Variants in MDN1 observed in about 807,000 individuals in gnomAD.
The protein encoded by MDN1 is midasin AAA ATPase 1.
Under a neutral mutation model 669.2 loss-of-function variants are expected in MDN1, and 266 were observed. That is an observed-to-expected ratio of 0.40 (90% CI 0.36 to 0.44). The LOEUF (loss-of-function observed/expected upper bound fraction) is 0.44. Among genes scored for constraint, MDN1 ranks in the 20% least tolerant of loss-of-function variants. The pLI is 1.00. For synonymous variants in MDN1, 2,385 were observed against 2,457.1 expected, an observed-to-expected ratio of 0.97 and a Z score of 0.87; for missense variants, 5,940 against 6,754.0, an observed-to-expected ratio of 0.88 and a Z score of 4.22.
At chr6:89,720,580 G>C (rs1374655155) in intron 40 of MDN1, among the ~76,000 whole-genome samples, 22 of 152,082 alleles carry the variant, frequency 1.4e-4, no homozygotes. Context: ...CCTTGAATTG[G>C]AAGAGTGATG....
At chr6:89,657,219 TAGAG>T (rs544290090) in intron 90 of MDN1, among the ~76,000 whole-genome samples, 155 of 152,294 alleles carry the variant, frequency 1.0e-3, no homozygotes, top group African/African-American at 3.5e-3. Context: ...CATGGGGACA[TAGAG>T]AGGACTTTCT....
intron 31 of MDN1, 78 bp from the exon 32 acceptor site, chr6:89,740,456 A>G (rs76877549): frequency 8.7e-7 from 1 of 1,145,020 alleles, no homozygotes; most frequent in Non-Finnish European, 1.2e-6. Context: ...TCTTTAAAAG[A>G]AAAAAAAAAG....
chr6:89,802,394 T>C (rs2128328996), intron 2 of MDN1, among the ~76,000 whole-genome samples: 1 of 152,282 alleles, frequency 6.6e-6, no homozygotes, highest in South Asian at 2.1e-4. Flanking sequence ...ATATAAGAAA[T>C]GTTCTGTTGG....
intron 1 of MDN1, among the ~76,000 whole-genome samples, chr6:89,813,549 C>CAAA (rs531368427): frequency 2.9e-5 from 2 of 68,266 alleles, no homozygotes; most frequent in African/African-American, 6.0e-5. Context: ...GACTCTGTCT[C>CAAA]AAAAAAAAAA....
At position 89,799,369 on chromosome 6, in the gene MDN1, C is replaced by T. The variant is rs1331395752; in HGVS notation, c.329+3959G>A. ...CAAGAAATTAAGCTAAAATGCAATCCAAATAAACTGCACACTTAGAAATAG... is the reference window on the plus strand; with the variant it reads ...CAAGAAATTAAGCTAAAATGCAATCTAAATAAACTGCACACTTAGAAATAG... On this transcript the variant is annotated intron_variant, in intron 2 of 101. Coordinates refer to ENST00000369393, the MANE Select transcript of MDN1 (RefSeq NM_014611.3). Among the ~76,000 whole-genome samples, 3 of 152,352 alleles carry T rather than the reference C, an allele frequency of 2.0e-5. 1 individual carries two copies. The highest frequency in any genetic ancestry group is 6.8e-3 in the Middle Eastern group (2 of 294).
At chr6:89,656,907 C>G in intron 90 of MDN1, 106 bp from the exon 91 acceptor site, 1 of 955,770 alleles carries the variant, frequency 1.0e-6, no homozygotes, top group East Asian at 2.5e-5. Flanking sequence ...CCTTTATTCT[C>G]AGTCATATAA....
Position 89,710,865 on chromosome 6 carries a change from A to C in MDN1, c.7652-71T>G, listed in dbSNP as rs535637983. 3.0e-4 allele frequency: 258 copies of C among 865,966 alleles called. 2 individuals carry two copies. Among genetic ancestry groups the C allele is most frequent in the South Asian group, 1.0e-3 (57 of 57,224 alleles). 53.6% of individuals were successfully genotyped at this position (865,966 alleles called of 1,614,324 possible). ...TCCAATTGAACGTTCTGCAGTGATGAAAATGTTCTACAGCTGCATAGAATA... is the reference window on the plus strand; with the variant it reads ...TCCAATTGAACGTTCTGCAGTGATGCAAATGTTCTACAGCTGCATAGAATA... On this transcript the variant is annotated intron_variant, in intron 49 of 101. Coordinates refer to ENST00000369393, the MANE Select transcript of MDN1 (RefSeq NM_014611.3).
intron 13 of MDN1, among the ~76,000 whole-genome samples, chr6:89,773,298 T>C (rs1443373648): frequency 2.0e-5 from 3 of 151,708 alleles, no homozygotes; most frequent in Admixed American, 2.0e-4. Flanking sequence ...CCCCAGCATT[T>C]TGGGAGGCCG....
intron 73 of MDN1, among the ~76,000 whole-genome samples, chr6:89,682,134 T>A (rs759980762): frequency 6.6e-6 from 1 of 152,132 alleles, no homozygotes; most frequent in Non-Finnish European, 1.5e-5. Context: ...ATAGGAGTAT[T>A]TACACCACAG....
At chr6:89,650,293 A>G in intron 96 of MDN1, 95 bp from the exon 97 acceptor site, 1 of 1,141,550 alleles carries the variant, frequency 8.8e-7, no homozygotes, top group Non-Finnish European at 1.2e-6. Context: ...CTTAAAACCA[A>G]TAGCAAGTAA....
chr6:89,745,669 G>A (rs1816571440), intron 27 of MDN1, 43 bp from the exon 28 acceptor site: 1 of 1,582,698 alleles, frequency 6.3e-7, no homozygotes, highest in South Asian at 1.1e-5. Context: ...ATCATCAAGT[G>A]TCTACCGGGA....
intron 1 of MDN1, among the ~76,000 whole-genome samples, chr6:89,817,094 C>A (rs1038720240): frequency 3.9e-5 from 6 of 152,152 alleles, no homozygotes; most frequent in African/African-American, 1.2e-4. Flanking sequence ...AGACCGCCCC[C>A]CTCACCCTTC....
intron 35 of MDN1, among the ~76,000 whole-genome samples, chr6:89,730,120 C>T (rs1815496504): frequency 6.6e-6 from 1 of 152,198 alleles, no homozygotes; most frequent in African/African-American, 2.4e-5. Flanking sequence ...CTAACTGCCT[C>T]ATTTAAATAC....
intron 37 of MDN1, among the ~76,000 whole-genome samples, chr6:89,725,662 CA>C (rs1260398689): frequency 6.6e-6 from 1 of 151,970 alleles, no homozygotes; most frequent in African/African-American, 2.4e-5. Flanking sequence ...CCTCTACCTC[CA>C]GGGCTCAAGA....
rs182891450 is a variant in MDN1, at chr6:89,740,534, C to T, written c.4449-156G>A. Among the ~76,000 whole-genome samples, 187 of 152,260 alleles carry T rather than the reference C, an allele frequency of 1.2e-3. 2 individuals are homozygous for T. The highest frequency in any genetic ancestry group is 4.4e-3 in the African/African-American group (183 of 41,540). Reference sequence around the variant, plus strand: ...CTATCACAAATTTTAAAATGACTCACTATCCCAATTTCTGTGTAATAATGG... The same window carrying T: ...CTATCACAAATTTTAAAATGACTCATTATCCCAATTTCTGTGTAATAATGG... On this transcript the variant is annotated intron_variant, in intron 31 of 101. Coordinates refer to ENST00000369393, the MANE Select transcript of MDN1 (RefSeq NM_014611.3).
chr6:89,651,669 T>A (rs1358477085), intron 95 of MDN1, among the ~76,000 whole-genome samples: 3 of 152,118 alleles, frequency 2.0e-5, no homozygotes. Context: ...AGCAACACAC[T>A]CAACACAAAG....
intron 1 of MDN1, among the ~76,000 whole-genome samples, chr6:89,812,470 C>T (rs1768496386): frequency 1.3e-5 from 2 of 152,064 alleles, no homozygotes; most frequent in South Asian, 2.1e-4. Flanking sequence ...TTTGCTATAA[C>T]AAAATTCATC....
chr6:89,657,818 T>C (rs868396470), intron 90 of MDN1, among the ~76,000 whole-genome samples: 1 of 152,248 alleles, frequency 6.6e-6, no homozygotes, highest in Non-Finnish European at 1.5e-5. Context: ...AACACGTTTT[T>C]ACTATATCTT....
At chr6:89,767,164 C>T (rs771258902) in intron 15 of MDN1, among the ~76,000 whole-genome samples, 43 of 152,258 alleles carry the variant, frequency 2.8e-4, no homozygotes, top group Non-Finnish European at 4.7e-4. Context: ...TGTCCCCACC[C>T]GCAACTCTTC....
Sources: allele counts gnomAD v4.1 joint callset (sites outside exome capture counted in the v4.1 genomes callset), GRCh38; gene constraint gnomAD v4.1.1; transcripts MANE v1.5; gene names NCBI Gene and HGNC (gene_info 2026-07-23, HGNC 2026-07-21).